Variants in TRMT11 observed in about 807,000 individuals in gnomAD.
TRMT11 encodes the protein tRNA (guanine(10)-N(2))-methyltransferase TRMT11.
A neutral mutation model predicts 62.8 loss-of-function variants in TRMT11; 53 were observed. The observed-to-expected ratio is 0.84, with a 90% CI of 0.68 to 1.06. TRMT11 has a LOEUF of 1.06. Among genes scored for constraint, TRMT11 ranks in the 50% least tolerant of loss-of-function variants. The probability of loss-of-function intolerance (pLI) is 0.00; values close to 1 mark genes in which losing one functional copy is unlikely to be tolerated. For missense variants in TRMT11, 556 were observed against 553.4 expected, an observed-to-expected ratio of 1.00 and a Z score of -0.05; for synonymous variants, 188 against 190.3, an observed-to-expected ratio of 0.99 and a Z score of 0.10.
intron 12 of TRMT11, among the ~76,000 whole-genome samples, chr6:126,032,150 G>C (rs529836004): frequency 3.9e-4 from 59 of 152,198 alleles, no homozygotes; most frequent in Non-Finnish European, 4.4e-5. Flanking sequence ...GGGCAGTACT[G>C]CTTTCTTAGG....
At chr6:126,049,078 G>A (rs558262064) in intron 16 of TRMT11, among the ~76,000 whole-genome samples, 33 of 152,264 alleles carry the variant, frequency 2.2e-4, no homozygotes, top group African/African-American at 7.5e-4. Flanking sequence ...CCATCCACAG[G>A]CATCTGGAAT....
exon 4 of TRMT11, chr6:126,202,038 G>A (rs1014255242): frequency 7.9e-5 from 12 of 152,040 alleles, no homozygotes; most frequent in African/African-American, 2.7e-4. Flanking sequence ...AGTCCACCAC[G>A]GAGAAGATGC....
chr6:126,174,870 G>A (rs1451218434), upstream of TRMT11, among the ~76,000 whole-genome samples: 1 of 152,214 alleles, frequency 6.6e-6, no homozygotes, highest in Non-Finnish European at 1.5e-5. Context: ...AAGCAGAAGA[G>A]TGAGTCGCAA....
At chr6:126,197,220 CCTTACCA>C (rs1281095965) in intron 1 of TRMT11, among the ~76,000 whole-genome samples, 7 of 152,156 alleles carry the variant, frequency 4.6e-5, no homozygotes, top group African/African-American at 1.7e-4. Context: ...AGTTATTGCT[CCTTACCA>C]CTTACCACTT....
chr6:126,156,182 G>A (rs184361314), intron 21 of TRMT11, among the ~76,000 whole-genome samples: 36 of 152,290 alleles, frequency 2.4e-4, no homozygotes, highest in African/African-American at 7.9e-4. Flanking sequence ...GCTCTCACAG[G>A]TTGGAGTTGA....
chr6:126,010,880 C>T (rs143892732), intron 8 of TRMT11, among the ~76,000 whole-genome samples: 188 of 152,200 alleles, frequency 1.2e-3, no homozygotes, highest in African/African-American at 4.1e-3. Flanking sequence ...AGTTCGCTCT[C>T]TTCATTTCTG....
In TRMT11 at chr6:126,034,704, A is replaced by G. The variant is rs113541730; in HGVS notation, c.1261-4001A>G. On this transcript the variant is annotated intron_variant, in intron 12 of 12. Coordinates refer to ENST00000334379, the MANE Select transcript of TRMT11 (RefSeq NM_001031712.3). Reference sequence around the variant, plus strand: ...TAAACTTTGGCAGAACTCGGGTTTTATGATACGTAGGTGATATCACAATGA... The same window carrying G: ...TAAACTTTGGCAGAACTCGGGTTTTGTGATACGTAGGTGATATCACAATGA... Among the ~76,000 whole-genome samples the G allele has an allele frequency of 1.4e-3, 207 of 152,240 alleles. 2 individuals carry two copies. Among genetic ancestry groups the G allele is most frequent in the African/African-American group, 4.8e-3 (198 of 41,534 alleles).
At chr6:126,239,039 C>CT in the TRMT11 span, among the ~76,000 whole-genome samples, 3 of 151,832 alleles carry the variant, frequency 2.0e-5, no homozygotes, top group Admixed American at 6.6e-5. Context: ...CACCCCCTTC[C>CT]TTTTTTTTGT....
intron 17 of TRMT11, among the ~76,000 whole-genome samples, chr6:126,080,581 G>A (rs142041080): frequency 6.6e-6 from 1 of 152,214 alleles, no homozygotes; most frequent in Non-Finnish European, 1.5e-5. Context: ...CTTCATCCAC[G>A]TGTTTTCTCA....
At chr6:126,106,911 G>A (rs1239821902) in intron 17 of TRMT11, among the ~76,000 whole-genome samples, 1 of 144,976 alleles carries the variant, frequency 6.9e-6, no homozygotes, top group Non-Finnish European at 1.5e-5. Flanking sequence ...TCCAGCATGC[G>A]TAACAGAGAG....
the TRMT11 span, among the ~76,000 whole-genome samples, chr6:126,233,089 C>A: frequency 1.3e-5 from 2 of 152,090 alleles, no homozygotes; most frequent in Admixed American, 1.3e-4. Flanking sequence ...GTTAATAGAA[C>A]GTACGTTTTG....
the TRMT11 span, among the ~76,000 whole-genome samples, chr6:126,241,827 AT>A: frequency 6.6e-6 from 1 of 152,194 alleles, no homozygotes; most frequent in Non-Finnish European, 1.5e-5. Flanking sequence ...GGACAATATC[AT>A]ACTGAATGGG....
chr6:126,259,127 C>T, the TRMT11 span, among the ~76,000 whole-genome samples: 1 of 152,206 alleles, frequency 6.6e-6, no homozygotes, highest in Non-Finnish European at 1.5e-5. Flanking sequence ...CCTCCAGCTC[C>T]ATCTAGTTCC....
At position 125,998,230 on chromosome 6, in the gene TRMT11, T is replaced by G. The variant is rs1267544108; in HGVS notation, c.302T>G (p.Phe101Cys). 2.5e-6 allele frequency: 4 copies of G among 1,600,726 alleles called. No homozygotes were observed. The highest frequency in any genetic ancestry group is 1.3e-5 in the African/African-American group (1 of 74,556). The change falls in exon 5 of 13, where the codon TTT (phenylalanine) becomes TGT (cysteine). Residue 101 changes from phenylalanine to cysteine, a missense_variant. Transcript: ENST00000334379. Reference protein sequence around the residue: ...KNYPVEKMVPFLHSDSTYKIK... With the variant: ...KNYPVEKMVPCLHSDSTYKIK... ...GATTTCCTTTTATTTTAGGTTCCAT[T>G]TCTACATTCGGACTCTACATATAAA...
At chr6:126,195,980 A>C (rs562111624) in intron 1 of TRMT11, among the ~76,000 whole-genome samples, 1 of 152,326 alleles carries the variant, frequency 6.6e-6, no homozygotes, top group East Asian at 1.9e-4. Context: ...TATTTGCACT[A>C]AGAATGGCAA....
chr6:126,196,965 T>G (rs558021351), intron 1 of TRMT11, among the ~76,000 whole-genome samples: 2 of 152,264 alleles, frequency 1.3e-5, no homozygotes, highest in South Asian at 4.1e-4. Context: ...AGAAGATACA[T>G]AGTTTCTCAA....
downstream of TRMT11, among the ~76,000 whole-genome samples, chr6:126,042,104 C>G (rs180774206): frequency 1.7e-3 from 254 of 152,202 alleles, 1 homozygote; most frequent in Non-Finnish European, 2.8e-3. Context: ...GAGATCTTCT[C>G]TAAAACAGAG....
chr6:126,252,753 G>A, the TRMT11 span, among the ~76,000 whole-genome samples: 1 of 152,196 alleles, frequency 6.6e-6, no homozygotes, highest in East Asian at 1.9e-4. Context: ...ATGCATAAAT[G>A]ACTCAAGAAA....
chr6:126,040,391 C>G (rs1008514580), downstream of TRMT11, among the ~76,000 whole-genome samples: 1 of 152,056 alleles, frequency 6.6e-6, no homozygotes, highest in Admixed American at 6.6e-5. Flanking sequence ...TGAAATGTCA[C>G]TAGGCTCAGA....
Sources: gnomAD v4.1 joint callset for allele counts (sites outside exome capture counted in the v4.1 genomes callset) on GRCh38, gnomAD v4.1.1 for gene constraint, MANE v1.5 for transcripts, NCBI Gene and HGNC (gene_info 2026-07-23, HGNC 2026-07-21) for gene names.